The following DPP6 variants were observed in gnomAD, a reference collection of about 807,000 sequenced individuals.
DPP6 encodes the protein A-type potassium channel modulatory protein DPP6.
A neutral mutation model predicts 122.6 loss-of-function variants in DPP6; 69 were observed. The ratio of observed to expected loss-of-function variants is 0.56; its 90% CI spans 0.46 to 0.69. DPP6 has a LOEUF of 0.69. Among genes scored for constraint, DPP6 ranks in the 30% least tolerant of loss-of-function variants. The pLI is 0.00. For missense variants in DPP6, 928 were observed against 1,116.9 expected, an observed-to-expected ratio of 0.83 and a Z score of 2.41; for synonymous variants, 418 against 433.1, an observed-to-expected ratio of 0.97 and a Z score of 0.43.
upstream of DPP6, among the ~76,000 whole-genome samples, chr7:153,884,716 C>T (rs560741469): frequency 6.6e-5 from 10 of 152,150 alleles, no homozygotes; most frequent in East Asian, 3.9e-4. Flanking sequence ...CAGTGGCTCA[C>T]GCCTGTAATT....
intron 1 of DPP6, among the ~76,000 whole-genome samples, chr7:154,359,953 AG>A (rs1373010083): frequency 3.3e-5 from 5 of 152,218 alleles, no homozygotes; most frequent in Non-Finnish European, 7.3e-5. Context: ...CTCCTTGGGC[AG>A]GCAGAAATGA....
chr7:154,558,857 T>A (rs1376431705), intron 4 of DPP6, among the ~76,000 whole-genome samples: 1 of 152,224 alleles, frequency 6.6e-6, no homozygotes, highest in African/African-American at 2.4e-5. Flanking sequence ...ACATCTTTTT[T>A]AAAAACCTTG....
intron 10 of DPP6, among the ~76,000 whole-genome samples, chr7:154,777,971 A>C (rs1266540917): frequency 1.3e-5 from 2 of 152,192 alleles, no homozygotes; most frequent in Non-Finnish European, 2.9e-5. Flanking sequence ...CCTGGCACAG[A>C]AGCATGGTCG....
At chr7:153,816,865 C>A in the DPP6 span, among the ~76,000 whole-genome samples, 1 of 151,954 alleles carries the variant, frequency 6.6e-6, no homozygotes, top group African/African-American at 2.4e-5. Context: ...CAACTCTTAC[C>A]AAGCCTCTCT....
chr7:154,335,811 G>A (rs1415739662), intron 1 of DPP6, among the ~76,000 whole-genome samples: 1 of 152,092 alleles, frequency 6.6e-6, no homozygotes, highest in African/African-American at 2.4e-5. Context: ...GGTGTTGCTG[G>A]TGCTGCATGG....
intron 1 of DPP6, among the ~76,000 whole-genome samples, chr7:154,178,079 C>T (rs1465794367): frequency 6.6e-6 from 1 of 152,174 alleles, no homozygotes; most frequent in Non-Finnish European, 1.5e-5. Context: ...CTTGGGGTGA[C>T]CCAAAGCTGG....
intron 1 of DPP6, among the ~76,000 whole-genome samples, chr7:153,955,913 AAAG>A (rs1802439012): frequency 6.6e-6 from 1 of 152,180 alleles, no homozygotes; most frequent in Non-Finnish European, 1.5e-5. Context: ...AAGATGATAT[AAAG>A]AAGGAGGAAG....
chr7:154,306,003 G>C lies in DPP6; in HGVS notation c.244-140211G>C, dbSNP rs562268604. Among the ~76,000 whole-genome samples, 3 of 152,238 alleles carry C rather than the reference G, an allele frequency of 2.0e-5. No homozygotes were observed. In the East Asian group the frequency reaches 5.8e-4, roughly 29 times the overall value. On this transcript the variant is annotated intron_variant, in intron 1 of 25. Coordinates refer to ENST00000377770, the MANE Select transcript of DPP6 (RefSeq NM_130797.4). ...TGACCCTCCAACAGGACTTTGCTTT[G>C]GTTCTAAGACAAGTCAAAGAAAATG...
chr7:154,481,346 G>GGTGTGTGT lies in DPP6; in HGVS notation c.457+6330_457+6337dup, dbSNP rs1554564239. On this transcript the variant is annotated intron_variant, in intron 3 of 25. Coordinates refer to ENST00000377770, the MANE Select transcript of DPP6 (RefSeq NM_130797.4). The surrounding 1 kb of genome is among the most constrained non-coding windows in gnomAD (Gnocchi z 4.2). ...ATACACTTGGAGAGAGAGAGAGAGG[G>GGTGTGTGT]GTGTGTGTGTGTGTGTGTGTGTGTG... 5.4e-5 allele frequency among the ~76,000 whole-genome samples: 8 copies of GGTGTGTGT among 148,060 alleles called. No individual in the cohort carries two copies. In the Admixed American group the frequency reaches 5.4e-4, roughly 10 times the overall value.
At chr7:153,850,894 G>C in the DPP6 span, among the ~76,000 whole-genome samples, 17 of 152,264 alleles carry the variant, frequency 1.1e-4, 1 homozygote, top group Admixed American at 9.8e-4. Context: ...CACAGCCAAA[G>C]CATATCAGAA....
chr7:154,778,031 G>A (rs1796692889), intron 10 of DPP6, among the ~76,000 whole-genome samples: 1 of 152,162 alleles, frequency 6.6e-6, no homozygotes, highest in Admixed American at 6.5e-5. Context: ...TTCAACTTTA[G>A]TCCCTACTCC....
the DPP6 span, among the ~76,000 whole-genome samples, chr7:153,816,674 C>T: frequency 6.6e-6 from 1 of 152,128 alleles, no homozygotes; most frequent in Admixed American, 6.5e-5. Flanking sequence ...TTCTGCAAGA[C>T]AGAAGGAAGA....
chr7:154,646,388 T>C (rs1477392255), intron 6 of DPP6, among the ~76,000 whole-genome samples: 1 of 152,154 alleles, frequency 6.6e-6, no homozygotes, highest in Non-Finnish European at 1.5e-5. Flanking sequence ...CACACCTCTA[T>C]TGACTTCATT....
chr7:154,106,418 G>T (rs1417206080), intron 1 of DPP6, among the ~76,000 whole-genome samples: 4 of 121,292 alleles, frequency 3.3e-5, no homozygotes. Flanking sequence ...GAGCAGAGCA[G>T]ATGTGATTGA....
chr7:154,794,351 C>A (rs1797878907), intron 11 of DPP6, 149 bp downstream of exon 11: 3 of 1,342,330 alleles, frequency 2.2e-6, no homozygotes, highest in African/African-American at 1.5e-5. Context: ...GCGCAGAGTC[C>A]CGGCTCCGGC....
intron 1 of DPP6, among the ~76,000 whole-genome samples, chr7:154,060,428 C>T (rs551351121): frequency 0.012 from 1,562 of 134,794 alleles, 139 homozygotes; most frequent in African/African-American, 0.029. Context: ...GCACCCCCCG[C>T]GAGGCGGGGA....
intron 1 of DPP6, among the ~76,000 whole-genome samples, chr7:154,175,259 A>G (rs1210239010): frequency 6.6e-6 from 1 of 152,048 alleles, no homozygotes; most frequent in African/African-American, 2.4e-5. Context: ...ACCTGGCAAA[A>G]GAGACTTTGC....
chr7:153,772,128 G>A, the DPP6 span, among the ~76,000 whole-genome samples: 1 of 152,192 alleles, frequency 6.6e-6, no homozygotes, highest in South Asian at 2.1e-4. Flanking sequence ...CTGTTGCCCG[G>A]GCTGGAGTCT....
chr7:154,534,612 C>A (rs1447146108), intron 3 of DPP6, among the ~76,000 whole-genome samples: 3 of 152,008 alleles, frequency 2.0e-5, no homozygotes, highest in Non-Finnish European at 4.4e-5. Context: ...ACAGTAATAC[C>A]ATTTACAATG....
Sources: gnomAD v4.1 joint callset for allele counts (sites outside exome capture counted in the v4.1 genomes callset) on GRCh38, gnomAD v4.1.1 for gene constraint, Gnocchi (gnomAD v3.1) non-coding constraint, MANE v1.5 for transcripts, NCBI Gene and HGNC (gene_info 2026-07-23, HGNC 2026-07-21) for gene names.